Variants in NEBL observed in about 807,000 individuals in gnomAD.
The protein encoded by NEBL is LIM and SH3 protein 2.
Under a neutral mutation model 140.2 loss-of-function variants are expected in NEBL, and 122 were observed. That is an observed-to-expected ratio of 0.87 (90% CI 0.75 to 1.01). The LOEUF (loss-of-function observed/expected upper bound fraction) is 1.01, where lower values mean the gene tolerates loss of function less well. NEBL is among the 50% of genes least tolerant of loss of function. NEBL has a pLI of 0.00. For synonymous variants in NEBL, 436 were observed against 398.9 expected (o/e 1.09, Z -1.11); for missense variants, 1,365 against 1,231.3 (o/e 1.11, Z -1.62).
At chr10:21,045,034 A>G (rs957247079) in intron 2 of NEBL, among the ~76,000 whole-genome samples, 6 of 152,258 alleles carry the variant, frequency 3.9e-5, no homozygotes, top group Admixed American at 6.5e-5. Context: ...CGTTAATTAT[A>G]GACTATTTTG....
intron 4 of NEBL, among the ~76,000 whole-genome samples, chr10:20,953,322 G>A (rs1835596274): frequency 6.6e-6 from 1 of 152,048 alleles, no homozygotes; most frequent in Non-Finnish European, 1.5e-5. Flanking sequence ...CCAACGAAAG[G>A]CCACATGAGG....
In NEBL at chr10:21,006,277, T is replaced by C. The variant is rs554118073; in HGVS notation, c.249+13840A>G. ...ACTTACGCTTTCTATGCTGATAATT[T>C]TGTTTCCATGGGAGAGATTCCCAGG... is the stretch of plus-strand genomic sequence containing the variant. On this transcript the variant is annotated intron_variant, in intron 3 of 6. Coordinates refer to the NEBL transcript ENST00000417816. Among the ~76,000 whole-genome samples the C allele has an allele frequency of 5.3e-5, 8 of 152,340 alleles. No individual in the cohort carries two copies. The South Asian group carries it at 1.2e-3, about 24-fold the overall frequency.
rs111347689 is a variant in NEBL at position 21,220,746 on chromosome 10, T to C, written n.348+27175A>G. Among the ~76,000 whole-genome samples, 700 of 152,304 alleles carry C rather than the reference T, an allele frequency of 4.6e-3. 4 individuals carry two copies. Among genetic ancestry groups the C allele is most frequent in the African/African-American group, 0.016 (655 of 41,570 alleles). ...ATGGGAGAAAATAATCTGCAAATCA[T>C]ACATCAGATAAGAAGTTAATATTCA... On this transcript the variant is annotated intron_variant and non_coding_transcript_variant, in intron 3 of 8. Transcript: ENST00000675702.
intron 4 of NEBL, among the ~76,000 whole-genome samples, chr10:20,884,697 A>T (rs1388957158): frequency 6.6e-6 from 1 of 152,200 alleles, no homozygotes; most frequent in Non-Finnish European, 1.5e-5. Flanking sequence ...GGACTTCTGA[A>T]ACAGAATCCT....
chr10:20,993,441 A>G (rs143895735), intron 3 of NEBL, among the ~76,000 whole-genome samples: 86 of 152,380 alleles, frequency 5.6e-4, no homozygotes, highest in African/African-American at 2.0e-3. Context: ...ATTATACTGC[A>G]TAGCAAACTA....
chr10:21,277,007 T>C (rs1174565590), intron 1 of NEBL, among the ~76,000 whole-genome samples: 2 of 151,770 alleles, frequency 1.3e-5, no homozygotes, highest in East Asian at 1.9e-4. Flanking sequence ...TGCACACTTG[T>C]AGTTCCAGCT....
intron 4 of NEBL, among the ~76,000 whole-genome samples, chr10:20,914,491 T>C (rs1848456640): frequency 6.6e-6 from 1 of 152,184 alleles, no homozygotes; most frequent in Non-Finnish European, 1.5e-5. Context: ...AATACAATAT[T>C]TATCAGGGAC....
intron 2 of NEBL, among the ~76,000 whole-genome samples, chr10:21,161,849 G>A (rs921669754): frequency 1.3e-5 from 2 of 152,110 alleles, no homozygotes; most frequent in African/African-American, 4.8e-5. Flanking sequence ...GTTCCTGGGA[G>A]GCATACTCTA....
At chr10:20,941,463 C>T (rs1420453339) in intron 4 of NEBL, among the ~76,000 whole-genome samples, 3 of 152,058 alleles carry the variant, frequency 2.0e-5, no homozygotes, top group African/African-American at 4.8e-5. Flanking sequence ...TATGACAAAC[C>T]CACAGCCAAT....
chr10:20,822,237 A>G (rs75844366), intron 19 of NEBL, among the ~76,000 whole-genome samples: 8,153 of 152,184 alleles, frequency 0.054, 312 homozygotes, highest in Middle Eastern at 0.13. Context: ...CATACCTCTC[A>G]TCTTTAAAAT....
At chr10:21,276,735 A>C (rs1172408928) in intron 1 of NEBL, among the ~76,000 whole-genome samples, 2 of 152,150 alleles carry the variant, frequency 1.3e-5, no homozygotes, top group African/African-American at 4.8e-5. Context: ...TTGGGAGGCC[A>C]AAGCAGGCAG....
chr10:20,917,847 T>A (rs972398935), intron 4 of NEBL, among the ~76,000 whole-genome samples: 1 of 152,200 alleles, frequency 6.6e-6, no homozygotes, highest in East Asian at 1.9e-4. Context: ...AGAAAAAATA[T>A]TCTTAACTTG....
intron 1 of NEBL, among the ~76,000 whole-genome samples, chr10:21,257,696 T>C (rs976876632): frequency 2.6e-5 from 4 of 151,994 alleles, no homozygotes; most frequent in Admixed American, 6.6e-5. Flanking sequence ...CCATCCTGGC[T>C]AACACAGTGA....
chr10:20,981,410 A>G (rs1837034555), intron 3 of NEBL, among the ~76,000 whole-genome samples: 1 of 144,662 alleles, frequency 6.9e-6, no homozygotes, highest in Non-Finnish European at 1.5e-5. Flanking sequence ...TCTCATAAAA[A>G]AAACACACAC....
intron 3 of NEBL, among the ~76,000 whole-genome samples, chr10:21,232,310 C>T (rs577662095): frequency 1.1e-4 from 17 of 152,298 alleles, no homozygotes; most frequent in African/African-American, 4.1e-4. Context: ...CAGTCCCCAA[C>T]CTTTTTGGCA....
intron 2 of NEBL, among the ~76,000 whole-genome samples, chr10:21,059,098 AC>A (rs960091552): frequency 1.3e-5 from 2 of 152,088 alleles, no homozygotes; most frequent in Admixed American, 6.6e-5. Context: ...ACTATCACTC[AC>A]CCCCATTTAT....
intron 4 of NEBL, among the ~76,000 whole-genome samples, chr10:20,926,373 AC>A (rs1833912844): frequency 6.7e-6 from 1 of 150,316 alleles, no homozygotes; most frequent in African/African-American, 2.5e-5. Flanking sequence ...GAGGGCTTAA[AC>A]AAACTTGTGA....
chr10:21,285,643 A>G (rs902944395), intron 1 of NEBL, among the ~76,000 whole-genome samples: 12 of 152,224 alleles, frequency 7.9e-5, no homozygotes, highest in Admixed American at 3.3e-4. Context: ...TGAACTTTCT[A>G]AATTAACTGA....
intron 3 of NEBL, among the ~76,000 whole-genome samples, chr10:21,237,031 A>G (rs569264838): frequency 3.9e-5 from 6 of 152,296 alleles, no homozygotes; most frequent in African/African-American, 1.4e-4. Context: ...CTGACACCTA[A>G]GCCCAAATGC....
Sources: allele counts gnomAD v4.1 joint callset (sites outside exome capture counted in the v4.1 genomes callset), GRCh38; gene constraint gnomAD v4.1.1; transcripts MANE v1.5; gene names NCBI Gene and HGNC (gene_info 2026-07-23, HGNC 2026-07-21).